The following RSPO1 variants were observed in gnomAD, a reference collection of about 807,000 sequenced individuals.
RSPO1 encodes R-spondin-1.
A neutral mutation model predicts 26.0 loss-of-function variants in RSPO1; 18 were observed. That is an observed-to-expected ratio of 0.69 (90% CI 0.48 to 1.03). The LOEUF (loss-of-function observed/expected upper bound fraction) is 1.03, where lower values mean the gene tolerates loss of function less well. RSPO1 is among the 50% of genes least tolerant of loss of function. RSPO1 has a pLI of 0.00. For synonymous variants in RSPO1, 133 were observed against 137.4 expected, an observed-to-expected ratio of 0.97 and a Z score of 0.22; for missense variants, 309 against 352.3, an observed-to-expected ratio of 0.88 and a Z score of 0.98.
At chr1:37,616,742 A>C in intron 3 of RSPO1, 67 bp from the exon 4 acceptor site, 2 of 1,384,022 alleles carry the variant, frequency 1.4e-6, no homozygotes, top group Non-Finnish European at 2.1e-6. Flanking sequence ...GATTCTGACA[A>C]GGATGGGAAG....
rs1439114982 is a variant in RSPO1, at chr1:37,634,390, G to T, written c.-356+176C>A. Among the ~76,000 whole-genome samples the T allele has an allele frequency of 1.3e-5, 2 of 152,128 alleles. No individual in the cohort carries two copies. The highest frequency in any genetic ancestry group is 2.9e-5 in the Non-Finnish European group (2 of 68,014). ...ACGGGGGCGGCAGACTTGCAGGAAGGGTGCAGGAGGTGCCCTGTCCTGATC... is the reference window on the plus strand; with the variant it reads ...ACGGGGGCGGCAGACTTGCAGGAAGTGTGCAGGAGGTGCCCTGTCCTGATC... On this transcript the variant is annotated intron_variant, in intron 1 of 6. Coordinates refer to ENST00000356545, the MANE Select transcript of RSPO1 (RefSeq NM_001242908.2). The surrounding 1 kb of genome is among the most constrained non-coding windows in gnomAD (Gnocchi z 4.7).
At chr1:37,627,697 T>C (rs185615182) in intron 3 of RSPO1, among the ~76,000 whole-genome samples, 13 of 147,122 alleles carry the variant, frequency 8.8e-5, no homozygotes, top group Admixed American at 2.7e-4. Context: ...AACAAAACTA[T>C]ATATATATAC....
In RSPO1 at chr1:37,613,579, C is replaced by A. The variant is rs934606520; in HGVS notation, c.625+125G>T. The stretch of plus-strand genomic sequence containing the variant: ...TTGGACAGCATGAGGTCTTGAGTTG[C>A]GGGTGCCCCATCTGGCCTTGCCCTG... On this transcript the variant is annotated intron_variant, in intron 6 of 6. Coordinates refer to ENST00000356545, the MANE Select transcript of RSPO1 (RefSeq NM_001242908.2). The surrounding 1 kb of genome is among the most constrained non-coding windows in gnomAD (Gnocchi z 4.5). The A allele has an allele frequency of 2.6e-6, 2 of 760,522 alleles. No homozygotes were observed. Among genetic ancestry groups the A allele is most frequent in the Admixed American group, 4.0e-5 (2 of 49,894 alleles). 47.1% of individuals were successfully genotyped at this position (760,522 alleles called of 1,614,324 possible).
At chr1:37,616,443 T>C in intron 4 of RSPO1, 41 bp downstream of exon 4, 1 of 1,599,650 alleles carries the variant, frequency 6.3e-7, no homozygotes, top group South Asian at 1.1e-5. Context: ...AGTCCAGAGC[T>C]TCTAATGCCC....
chr1:37,624,793 TC>T (rs920820274), intron 3 of RSPO1, among the ~76,000 whole-genome samples: 1 of 152,188 alleles, frequency 6.6e-6, no homozygotes, highest in African/African-American at 2.4e-5. Flanking sequence ...TATCAATAGC[TC>T]CCTATCACCT....
chr1:37,628,423 G>A (rs1031829949), intron 3 of RSPO1, among the ~76,000 whole-genome samples: 2 of 152,212 alleles, frequency 1.3e-5, no homozygotes, highest in African/African-American at 4.8e-5. Flanking sequence ...GGCTGCTCCC[G>A]TGGAGCCCCA....
intron 3 of RSPO1, among the ~76,000 whole-genome samples, chr1:37,628,960 C>T (rs116441182): frequency 1.3e-5 from 2 of 152,224 alleles, no homozygotes; most frequent in South Asian, 4.1e-4. Context: ...TGGTTTGAAG[C>T]GTGGTCGGGC....
At chr1:37,624,403 G>C (rs1024491969) in intron 3 of RSPO1, among the ~76,000 whole-genome samples, 3 of 152,092 alleles carry the variant, frequency 2.0e-5, no homozygotes, top group Admixed American at 6.5e-5. Context: ...GGGTGCTTGT[G>C]GGGGAGGGAG....
chr1:37,612,702 C>CG lies in RSPO1; in HGVS notation c.*52dup. 6.3e-7 allele frequency: 1 copy of CG among 1,580,866 alleles called. No individual in the cohort carries two copies. Among genetic ancestry groups the CG allele is most frequent in the Non-Finnish European group, 8.6e-7 (1 of 1,160,454 alleles). On this transcript the variant is annotated 3_prime_UTR_variant, in exon 7 of 7. Transcript: ENST00000356545. ...TTCCAGTTCAGGAAAGCTTGAATCA[C>CG]GCAGAGTAGCACTGAACTCTTTCTG...
In RSPO1 at chr1:37,613,741, G is replaced by C. The variant is rs1301035052; in HGVS notation, c.588C>G (p.Thr196=). The C allele has an allele frequency of 6.2e-7, 1 of 1,613,724 alleles. No individual in the cohort carries two copies. The highest frequency in any genetic ancestry group is 8.5e-7 in the Non-Finnish European group (1 of 1,180,016). ...DHAACSDTKE[T]RRCTVRRVPC... ...GCACTCTCCTCACTGTGCACCTCCGGGTCTCCTTGGTGTCAGAGCAGGCAG... is the reference window on the plus strand; with the variant it reads ...GCACTCTCCTCACTGTGCACCTCCGCGTCTCCTTGGTGTCAGAGCAGGCAG... Residue 196 remains threonine (T), a synonymous_variant, in exon 6 of 7, where the codon ACC becomes ACG. Transcript: ENST00000356545. This position sits in a 1 kb window ranked among gnomAD's most constrained non-coding sequence, Gnocchi z 4.5.
intron 4 of RSPO1, among the ~76,000 whole-genome samples, chr1:37,615,768 G>A (rs937453742): frequency 1.3e-5 from 2 of 152,246 alleles, no homozygotes; most frequent in African/African-American, 4.8e-5. Flanking sequence ...GTGCCTTGGA[G>A]CATGTGGAGC....
At chr1:37,624,314 A>T (rs535958140) in intron 3 of RSPO1, among the ~76,000 whole-genome samples, 44 of 152,310 alleles carry the variant, frequency 2.9e-4, no homozygotes, top group Admixed American at 7.8e-4. Flanking sequence ...GCTGCCTGTT[A>T]TGGGGGGTGT....
At chr1:37,632,671 T>A (rs983171703) in intron 1 of RSPO1, among the ~76,000 whole-genome samples, 1 of 152,164 alleles carries the variant, frequency 6.6e-6, no homozygotes, top group Non-Finnish European at 1.5e-5. Flanking sequence ...TTACATGAAA[T>A]CTGATTTGAA....
At chr1:37,631,354 A>G (rs992574361) in intron 2 of RSPO1, among the ~76,000 whole-genome samples, 7 of 151,684 alleles carry the variant, frequency 4.6e-5, no homozygotes, top group Admixed American at 3.9e-4. Context: ...GCTACCCCCA[A>G]ATGCCCGTCA....
chr1:37,623,813 G>A (rs1054097976), intron 3 of RSPO1, among the ~76,000 whole-genome samples: 7 of 146,860 alleles, frequency 4.8e-5, no homozygotes, highest in Non-Finnish European at 7.4e-5. Flanking sequence ...AGGCTGGAGT[G>A]CAATGGCGCA....
At chr1:37,618,059 A>G (rs926954169) in intron 3 of RSPO1, among the ~76,000 whole-genome samples, 23 of 152,250 alleles carry the variant, frequency 1.5e-4, no homozygotes, top group African/African-American at 4.8e-4. Context: ...AAAACTAGGG[A>G]AAGGCAGAAT....
chr1:37,612,651 T>C lies in RSPO1; in HGVS notation c.*104A>G, dbSNP rs1644041696. On this transcript the variant is annotated 3_prime_UTR_variant, in exon 7 of 7. Transcript: ENST00000356545. ...CTATGTATGCATGGATGGATTGGAG[T>C]GTGTGTGTATGCTTTGCCCCCGACG... 1 of 1,160,172 alleles carries C rather than the reference T, an allele frequency of 8.6e-7. No homozygotes were observed. Among genetic ancestry groups the C allele is most frequent in the Non-Finnish European group, 1.3e-6 (1 of 782,902 alleles). 71.9% of individuals were successfully genotyped at this position (1,160,172 alleles called of 1,614,324 possible). A position where few individuals can be genotyped will look rare whatever the true frequency, so the allele number is the denominator to read the frequency against.
Position 37,630,753 on chromosome 1 carries a change from C to T in RSPO1, c.-288-804G>A, listed in dbSNP as rs1644348281. 1.3e-5 allele frequency among the ~76,000 whole-genome samples: 2 copies of T among 152,190 alleles called. 1 individual carries two copies. Among genetic ancestry groups the T allele is most frequent in the Admixed American group, 1.3e-4 (2 of 15,286 alleles). The stretch of plus-strand genomic sequence containing the variant: ...GGGAGTGAGAATGAAAACCCTGCTT[C>T]CCCGTCACGGGATCACACACATGCT... On this transcript the variant is annotated intron_variant, in intron 2 of 6. Transcript: ENST00000356545.
chr1:37,618,355 G>C (rs994056515), intron 3 of RSPO1, among the ~76,000 whole-genome samples: 10 of 152,216 alleles, frequency 6.6e-5, no homozygotes, highest in African/African-American at 2.4e-4. Flanking sequence ...GACTCTCTGA[G>C]GGGGGACAGA....
Sources: gnomAD v4.1 joint callset for allele counts (sites outside exome capture counted in the v4.1 genomes callset) on GRCh38, gnomAD v4.1.1 for gene constraint, Gnocchi (gnomAD v3.1) non-coding constraint, MANE v1.5 for transcripts, NCBI Gene and HGNC (gene_info 2026-07-23, HGNC 2026-07-21) for gene names.